Variants in GNAZ observed in about 807,000 individuals in gnomAD.
The protein encoded by GNAZ is guanine nucleotide-binding protein G(z) subunit alpha.
A neutral mutation model predicts 25.4 loss-of-function variants in GNAZ; 3 were observed. The observed-to-expected ratio is 0.12, with a 90% CI of 0.05 to 0.30. The LOEUF (loss-of-function observed/expected upper bound fraction) is 0.30, where lower values mean the gene tolerates loss of function less well. GNAZ is among the 10% of genes least tolerant of loss of function. The pLI is 1.00. For synonymous variants in GNAZ, 211 were observed against 205.7 expected (o/e 1.03, Z -0.22); for missense variants, 241 against 501.8 (o/e 0.48, Z 4.97).
intron 2 of GNAZ, among the ~76,000 whole-genome samples, chr22:23,120,362 GA>G (rs1390836053): frequency 1.3e-5 from 2 of 152,126 alleles, no homozygotes; most frequent in African/African-American, 4.8e-5. Context: ...GCCTTGGAGA[GA>G]GGGGGTCCAC....
intron 2 of GNAZ, among the ~76,000 whole-genome samples, chr22:23,096,972 A>G (rs866416559): frequency 5.1e-4 from 78 of 152,252 alleles, no homozygotes; most frequent in African/African-American, 1.7e-3. Flanking sequence ...GAGTTGCTGG[A>G]GAGGGTGGGG....
intron 2 of GNAZ, chr22:23,122,725 G>A: frequency 3.5e-6 from 1 of 284,694 alleles, no homozygotes; most frequent in Non-Finnish European, 6.7e-6. Flanking sequence ...CTGTGGATGG[G>A]CAGTGGGAAG....
At chr22:23,072,004 A>G (rs1054547894) in intron 1 of GNAZ, among the ~76,000 whole-genome samples, 1 of 152,022 alleles carries the variant, frequency 6.6e-6, no homozygotes. Context: ...TATGGTGGAG[A>G]CCACGGCTTC....
At chr22:23,118,258 C>T (rs1323833763) in intron 2 of GNAZ, among the ~76,000 whole-genome samples, 3 of 152,232 alleles carry the variant, frequency 2.0e-5, no homozygotes, top group Non-Finnish European at 4.4e-5. Flanking sequence ...CATTCCCCGA[C>T]GCCAAGCAGT....
At chr22:23,102,715 ACCT>A (rs2069341428) in intron 2 of GNAZ, among the ~76,000 whole-genome samples, 1 of 152,050 alleles carries the variant, frequency 6.6e-6, no homozygotes, top group Non-Finnish European at 1.5e-5. Flanking sequence ...CATGATGGTC[ACCT>A]CCTGCTGTGT....
intron 1 of GNAZ, among the ~76,000 whole-genome samples, chr22:23,084,436 G>A (rs2068761794): frequency 6.6e-6 from 1 of 152,086 alleles, no homozygotes. Context: ...CAGCAGGTTG[G>A]GGGAAGTCAA....
intron 1 of GNAZ, among the ~76,000 whole-genome samples, chr22:23,076,064 T>C (rs956204098): frequency 6.6e-6 from 1 of 152,122 alleles, no homozygotes; most frequent in African/African-American, 2.4e-5. Context: ...GAAGGGTGGC[T>C]GAGGAGGAGG....
At chr22:23,096,461 G>A (rs190421220) in intron 2 of GNAZ, 43 bp downstream of exon 2, 39 of 1,557,196 alleles carry the variant, frequency 2.5e-5, no homozygotes, top group Non-Finnish European at 2.9e-5. Flanking sequence ...TCCTGCTGTC[G>A]TGGGTTCCTG....
chr22:23,102,160 A>G (rs2069321143), intron 2 of GNAZ, among the ~76,000 whole-genome samples: 1 of 152,208 alleles, frequency 6.6e-6, no homozygotes. Context: ...ACTCAGCCTT[A>G]ACTGGGGCTG....
intron 2 of GNAZ, among the ~76,000 whole-genome samples, chr22:23,115,497 T>C (rs2069800546): frequency 6.6e-6 from 1 of 151,732 alleles, no homozygotes; most frequent in African/African-American, 2.4e-5. Context: ...AATCTGGGAG[T>C]GCGTCTGGCC....
chr22:23,081,324 AGTT>A (rs2068671853), intron 1 of GNAZ, among the ~76,000 whole-genome samples: 1 of 152,190 alleles, frequency 6.6e-6, no homozygotes, highest in Non-Finnish European at 1.5e-5. Context: ...ATTTAGGAAG[AGTT>A]TGTGTCTCTG....
rs1405301060 is a variant in GNAZ at position 23,124,318 on chromosome 22, A to G, written c.*887A>G. On this transcript the variant is annotated 3_prime_UTR_variant, in exon 3 of 3. Coordinates refer to ENST00000615612, the MANE Select transcript of GNAZ (RefSeq NM_002073.4). ...TTTTTTAAATGCAGATTTTCAAAAC[A>G]TATTTTTTTTCAGGTGGTCTTTTTT... 1 of 360,550 alleles carries G rather than the reference A, an allele frequency of 2.8e-6. No individual in the cohort carries two copies. Among genetic ancestry groups the G allele is most frequent in the South Asian group, 2.0e-5 (1 of 49,862 alleles). 22.3% of individuals were successfully genotyped at this position (360,550 alleles called of 1,614,324 possible).
At chr22:23,101,160 G>A (rs1265175719) in intron 2 of GNAZ, among the ~76,000 whole-genome samples, 1 of 152,096 alleles carries the variant, frequency 6.6e-6, no homozygotes, top group African/African-American at 2.4e-5. Context: ...GATTGAGAAG[G>A]GACCTTATAT....
At chr22:23,111,904 G>A (rs1328629837) in intron 2 of GNAZ, among the ~76,000 whole-genome samples, 1 of 152,214 alleles carries the variant, frequency 6.6e-6, no homozygotes, top group African/African-American at 2.4e-5. Context: ...CCAAACCAGA[G>A]GTGTCTGATC....
At chr22:23,083,745 G>A (rs1243520156) in intron 1 of GNAZ, among the ~76,000 whole-genome samples, 1 of 152,192 alleles carries the variant, frequency 6.6e-6, no homozygotes, top group African/African-American at 2.4e-5. Context: ...CAGTTTGTGG[G>A]GCATCCCTTC....
chr22:23,121,323 G>A (rs1055335533), intron 2 of GNAZ, among the ~76,000 whole-genome samples: 1 of 152,196 alleles, frequency 6.6e-6, no homozygotes, highest in Non-Finnish European at 1.5e-5. Flanking sequence ...GTACCTCTGG[G>A]TATCCTTCCT....
intron 1 of GNAZ, among the ~76,000 whole-genome samples, chr22:23,085,141 G>A (rs181253570): frequency 9.9e-5 from 15 of 152,260 alleles, no homozygotes; most frequent in Admixed American, 6.5e-4. Flanking sequence ...GGCTAAGCCC[G>A]TCTGCTGCAT....
chr22:23,096,062 G>T lies in GNAZ; in HGVS notation c.367G>T (p.Glu123Ter). Residue 123 changes from glutamate to a stop codon, truncating the protein, a stop_gained, in exon 2 of 3, where the codon GAG becomes TAG. Coordinates refer to ENST00000615612, the MANE Select transcript of GNAZ (RefSeq NM_002073.4). LOFTEE classifies it high-confidence loss of function. ...TGAGAGCAAGGGCGAGATCACACCC[G>T]AGCTGCTGGGTGTCATGCGACGGCT... is the stretch of plus-strand genomic sequence containing the variant. ...PAESKGEITP[E>*]LLGVMRRLWA... 6.2e-7 allele frequency: 1 copy of T among 1,607,824 alleles called. No individual in the cohort carries two copies. Among genetic ancestry groups the T allele is most frequent in the Non-Finnish European group, 8.5e-7 (1 of 1,179,938 alleles).
intron 2 of GNAZ, among the ~76,000 whole-genome samples, chr22:23,117,201 A>G (rs2069867544): frequency 6.6e-6 from 1 of 151,710 alleles, no homozygotes; most frequent in African/African-American, 2.4e-5. Context: ...TGTGCCCCAC[A>G]AACAGAGGGA....
Sources: gnomAD v4.1 joint callset for allele counts (sites outside exome capture counted in the v4.1 genomes callset) on GRCh38, gnomAD v4.1.1 for gene constraint, MANE v1.5 for transcripts, NCBI Gene and HGNC (gene_info 2026-07-23, HGNC 2026-07-21) for gene names.